DCC: variants seen among roughly 807,000 people sequenced by gnomAD.
DCC encodes the protein netrin receptor DCC.
Under a neutral mutation model 172.5 loss-of-function variants are expected in DCC, and 58 were observed. That is an observed-to-expected ratio of 0.34 (90% CI 0.27 to 0.42). The LOEUF is 0.42. Ranked by LOEUF, DCC falls within the 10% of genes least tolerant of loss-of-function variation. The probability of loss-of-function intolerance (pLI) is 1.00; values close to 1 mark genes in which losing one functional copy is unlikely to be tolerated. For synonymous variants in DCC, 709 were observed against 644.5 expected (o/e 1.10, Z -1.52); for missense variants, 1,740 against 1,791.0 (o/e 0.97, Z 0.51).
intron 2 of DCC, among the ~76,000 whole-genome samples, chr18:52,774,337 G>A (rs1599096175): frequency 3.3e-5 from 5 of 152,290 alleles, no homozygotes; most frequent in Non-Finnish European, 7.4e-5. Flanking sequence ...GTGGCCGGCT[G>A]AATGTTGAAG....
At chr18:52,548,662 T>C (rs1040374289) in intron 1 of DCC, among the ~76,000 whole-genome samples, 1 of 152,238 alleles carries the variant, frequency 6.6e-6, no homozygotes, top group East Asian at 1.9e-4. Context: ...GCACAGCCAA[T>C]ACAGGCATCA....
chr18:52,910,885 A>G (rs529954882), intron 3 of DCC, among the ~76,000 whole-genome samples: 1 of 152,250 alleles, frequency 6.6e-6, no homozygotes, highest in Admixed American at 6.6e-5. Context: ...ACTAAAATAT[A>G]CATGATTTTT....
intron 3 of DCC, among the ~76,000 whole-genome samples, chr18:52,907,560 T>A (rs1001274297): frequency 2.6e-5 from 4 of 151,970 alleles, no homozygotes; most frequent in Non-Finnish European, 5.9e-5. Flanking sequence ...ACCACAGAAT[T>A]GTGGCACCAC....
chr18:52,441,180 T>G (rs997482873), intron 1 of DCC, among the ~76,000 whole-genome samples: 5 of 152,204 alleles, frequency 3.3e-5, no homozygotes, highest in African/African-American at 1.2e-4. Context: ...TAGCTGAAGT[T>G]ATGAGAGATG....
intron 1 of DCC, among the ~76,000 whole-genome samples, chr18:52,675,390 C>G (rs2035630431): frequency 6.6e-6 from 1 of 152,112 alleles, no homozygotes; most frequent in Non-Finnish European, 1.5e-5. Flanking sequence ...AACCAATTGT[C>G]AACTAGAAAA....
intron 27 of DCC, among the ~76,000 whole-genome samples, chr18:53,521,626 T>C (rs904473853): frequency 1.3e-5 from 2 of 152,140 alleles, no homozygotes; most frequent in Admixed American, 1.3e-4. Flanking sequence ...ATTTCCTACA[T>C]AGTAAGCTAT....
In DCC at chr18:52,340,745, G is replaced by A; in HGVS notation, c.-43G>A. 6.8e-7 allele frequency: 1 copy of A among 1,480,808 alleles called. No individual in the cohort carries two copies. The highest frequency in any genetic ancestry group is 1.1e-5 in the South Asian group (1 of 88,274). The allele number at this position is 1,480,808 out of a possible 1,614,324, so 91.7% of individuals were successfully genotyped here. A position where few individuals can be genotyped will look rare whatever the true frequency, so the allele number is the denominator to read the frequency against. On this transcript the variant is annotated 5_prime_UTR_variant, in exon 1 of 29. Transcript: ENST00000442544. ...GTGTGAGTGCATGTGTGTGAGTGCT[G>A]CCGCTGCCCGCGACCCCTGGCCCCG...
chr18:53,519,875 A>G (rs947378502), intron 27 of DCC, among the ~76,000 whole-genome samples: 1 of 152,112 alleles, frequency 6.6e-6, no homozygotes, highest in Non-Finnish European at 1.5e-5. Context: ...TTGATATCCC[A>G]AAGTAATAAG....
chr18:53,348,544 C>G (rs1481865550), intron 15 of DCC, among the ~76,000 whole-genome samples: 1 of 152,202 alleles, frequency 6.6e-6, no homozygotes, highest in Non-Finnish European at 1.5e-5. Flanking sequence ...CTTCTGATAG[C>G]TCCACTAGGC....
rs116538115 is a variant in DCC, at chr18:52,842,717, A to C, written c.413-63327A>C. 2.2e-3 allele frequency among the ~76,000 whole-genome samples: 329 copies of C among 152,320 alleles called. 2 individuals are homozygous for C. Among genetic ancestry groups the C allele is most frequent in the African/African-American group, 7.5e-3 (313 of 41,562 alleles). On this transcript the variant is annotated intron_variant, in intron 2 of 28. Coordinates refer to ENST00000442544, the MANE Select transcript of DCC (RefSeq NM_005215.4). Reference sequence around the variant, plus strand: ...GACTTTGTGTTCTAACAAGCCCTCCAGGTGATTTTGATGCATGCTCAAGTT... The same window carrying C: ...GACTTTGTGTTCTAACAAGCCCTCCCGGTGATTTTGATGCATGCTCAAGTT...
intron 13 of DCC, among the ~76,000 whole-genome samples, chr18:53,315,920 C>T (rs2057338774): frequency 6.6e-6 from 1 of 152,100 alleles, no homozygotes; most frequent in Admixed American, 6.5e-5. Flanking sequence ...TGTAGGTTAC[C>T]TGTTCACTCT....
intron 14 of DCC, among the ~76,000 whole-genome samples, chr18:53,323,680 T>A (rs967180489): frequency 6.6e-6 from 1 of 151,944 alleles, no homozygotes; most frequent in African/African-American, 2.4e-5. Context: ...GATGGTTGGA[T>A]GGTTGGAAGG....
At chr18:53,139,683 G>A (rs540300046) in intron 7 of DCC, among the ~76,000 whole-genome samples, 4 of 152,216 alleles carry the variant, frequency 2.6e-5, no homozygotes, top group East Asian at 1.9e-4. Flanking sequence ...TGAGGAAACC[G>A]AGACACTGAG....
intron 7 of DCC, among the ~76,000 whole-genome samples, chr18:53,136,620 G>A (rs2043746925): frequency 6.6e-6 from 1 of 152,132 alleles, no homozygotes; most frequent in Non-Finnish European, 1.5e-5. Context: ...GGAGGTGGCA[G>A]GAGGGATGGA....
intron 7 of DCC, among the ~76,000 whole-genome samples, chr18:53,080,108 T>C (rs958946998): frequency 4.6e-5 from 7 of 152,060 alleles, no homozygotes; most frequent in African/African-American, 1.7e-4. Context: ...GTATCATCAG[T>C]AGGCTAAGCA....
chr18:52,697,760 G>T (rs922731319), intron 1 of DCC, among the ~76,000 whole-genome samples: 10 of 152,282 alleles, frequency 6.6e-5, no homozygotes, highest in Admixed American at 6.5e-4. Flanking sequence ...ACATAAAAGT[G>T]AATATGTAAT....
chr18:52,832,413 A>G (rs556376332), intron 2 of DCC, among the ~76,000 whole-genome samples: 3 of 149,146 alleles, frequency 2.0e-5, no homozygotes, highest in South Asian at 4.3e-4. Flanking sequence ...AGGATTATAA[A>G]TAATACCTAT....
chr18:52,943,335 T>A (rs181706236), intron 5 of DCC, among the ~76,000 whole-genome samples: 87 of 152,314 alleles, frequency 5.7e-4, no homozygotes, highest in African/African-American at 1.9e-3. Context: ...GTTTTTGAAA[T>A]TTTCCTTTGA....
At chr18:52,571,831 C>T (rs1385222201) in intron 1 of DCC, among the ~76,000 whole-genome samples, 1 of 152,178 alleles carries the variant, frequency 6.6e-6, no homozygotes, top group Admixed American at 6.5e-5. Flanking sequence ...GAAGCACTGA[C>T]TTCAATATGT....
Sources: gnomAD v4.1 joint callset for allele counts (sites outside exome capture counted in the v4.1 genomes callset) on GRCh38, gnomAD v4.1.1 for gene constraint, MANE v1.5 for transcripts, NCBI Gene and HGNC (gene_info 2026-07-23, HGNC 2026-07-21) for gene names.